The following UBE2Q2 variants were observed in gnomAD, a reference collection of about 807,000 sequenced individuals.
The protein encoded by UBE2Q2 is ubiquitin-conjugating enzyme E2 Q2.
UBE2Q2 carries 54 observed loss-of-function variants against 59.9 expected under a neutral mutation model. The observed-to-expected ratio is 0.90, with a 90% CI of 0.72 to 1.13. The LOEUF is 1.13. Ranked by LOEUF, UBE2Q2 falls within the 50% of genes most tolerant of loss-of-function variation. The pLI is 0.00. For missense variants in UBE2Q2, 433 were observed against 441.9 expected, an observed-to-expected ratio of 0.98 and a Z score of 0.18; for synonymous variants, 165 against 155.2, an observed-to-expected ratio of 1.06 and a Z score of -0.47.
chr15:75,843,861 C>T lies in UBE2Q2; in HGVS notation c.180+15C>T, dbSNP rs545680529. The T allele has an allele frequency of 1.2e-3, 1,853 of 1,539,664 alleles. 31 individuals carry two copies. In the South Asian group the frequency reaches 0.021, roughly 17 times the overall value. Reference sequence around the variant, plus strand: ...GCAACATCACGGTGAGGCGCCCGGCCGCGGCCCCGCGGGGCAGGGCGAGGA... The same window carrying T: ...GCAACATCACGGTGAGGCGCCCGGCTGCGGCCCCGCGGGGCAGGGCGAGGA... On this transcript the variant is annotated intron_variant, in intron 1 of 12. Coordinates refer to ENST00000267938, the MANE Select transcript of UBE2Q2 (RefSeq NM_173469.4).
intron 1 of UBE2Q2, among the ~76,000 whole-genome samples, chr15:75,848,999 A>G (rs1896500693): frequency 1.3e-5 from 2 of 152,136 alleles, no homozygotes; most frequent in Admixed American, 1.3e-4. Flanking sequence ...CAGTAGCTGT[A>G]ATTTGCTGCT....
intron 9 of UBE2Q2, among the ~76,000 whole-genome samples, chr15:75,887,292 T>G (rs1455571123): frequency 6.6e-6 from 1 of 152,172 alleles, no homozygotes; most frequent in Non-Finnish European, 1.5e-5. Flanking sequence ...GTGGCAATAG[T>G]GACCTGAAGA....
intron 6 of UBE2Q2, among the ~76,000 whole-genome samples, chr15:75,877,172 A>AT (rs984622951): frequency 0.016 from 2,381 of 150,860 alleles, 95 homozygotes; most frequent in African/African-American, 0.054. Context: ...AAAAAAAAAA[A>AT]AAAAAAAAAA....
chr15:75,859,792 T>C (rs1897116167), intron 2 of UBE2Q2, 86 bp from the exon 3 acceptor site: 1 of 909,792 alleles, frequency 1.1e-6, no homozygotes, highest in Non-Finnish European at 1.6e-6. Context: ...CATTTCCTAC[T>C]GGATTGATTA....
intron 9 of UBE2Q2, among the ~76,000 whole-genome samples, chr15:75,886,489 G>A (rs561580737): frequency 2.7e-4 from 41 of 152,266 alleles, no homozygotes; most frequent in Non-Finnish European, 5.1e-4. Context: ...ATAAGCATGG[G>A]AAAAGGAAGA....
At chr15:75,860,864 C>G (rs1897173233) in intron 3 of UBE2Q2, among the ~76,000 whole-genome samples, 1 of 152,172 alleles carries the variant, frequency 6.6e-6, no homozygotes, top group African/African-American at 2.4e-5. Flanking sequence ...TTGGCTGACC[C>G]TTTCTCATTT....
intron 3 of UBE2Q2, 99 bp downstream of exon 3, chr15:75,860,081 AAGTT>A (rs1897133059): frequency 2.4e-6 from 2 of 849,278 alleles, no homozygotes; most frequent in Admixed American, 3.1e-5. Context: ...ACTTATTTAG[AAGTT>A]AGTTTCATTT....
intron 11 of UBE2Q2, among the ~76,000 whole-genome samples, chr15:75,892,409 A>G (rs1899153166): frequency 6.6e-6 from 1 of 152,220 alleles, no homozygotes; most frequent in African/African-American, 2.4e-5. Flanking sequence ...CAGATACAGA[A>G]CACAGACTTC....
chr15:75,873,288 TTTTTCTCTCTCCCTATAGGATAG>T (rs2141616208), intron 4 of UBE2Q2, 117 bp from the exon 5 acceptor site: 1 of 660,602 alleles, frequency 1.5e-6, no homozygotes, highest in East Asian at 3.3e-5. Context: ...ATGTGGGGGC[TTTTTCTCTCTCCCTATAGGATAG>T]TTACATTTTG....
chr15:75,844,472 C>G (rs749528873), intron 1 of UBE2Q2: 5 of 1,551,404 alleles, frequency 3.2e-6, no homozygotes, highest in Non-Finnish European at 4.4e-6. Flanking sequence ...AGCATAGTAC[C>G]GTCGTTGCGG....
In UBE2Q2 at chr15:75,879,977, T is replaced by C. The variant is rs142886396; in HGVS notation, c.825+789T>C. On this transcript the variant is annotated intron_variant, in intron 8 of 12. Transcript: ENST00000267938. ...GGTATATCTGCGCAGGCTTCTTGGA[T>C]ACTGGCTGGAATATATTTCTGGGCC... Among the ~76,000 whole-genome samples, 427 of 152,320 alleles carry C rather than the reference T, an allele frequency of 2.8e-3. 1 individual carries two copies. The highest frequency in any genetic ancestry group is 9.4e-3 in the African/African-American group (392 of 41,566).
At position 75,876,474 on chromosome 15, in the gene UBE2Q2, A is replaced by C. The variant is rs192632057; in HGVS notation, c.673+203A>C. Among the ~76,000 whole-genome samples the C allele has an allele frequency of 8.5e-5, 13 of 152,330 alleles. No homozygotes were observed. The East Asian group carries it at 2.5e-3, about 29-fold the overall frequency. The stretch of plus-strand genomic sequence containing the variant: ...TTTACTTGTCTTTTGGATTTTTAAA[A>C]AATGTTTTTATAGGTCCATTGGAAT... On this transcript the variant is annotated intron_variant, in intron 6 of 12. Coordinates refer to ENST00000267938, the MANE Select transcript of UBE2Q2 (RefSeq NM_173469.4).
Position 75,897,576 on chromosome 15 carries a change from C to G in UBE2Q2, c.1096+515C>G, listed in dbSNP as rs1408511788. Reference sequence around the variant, plus strand: ...TATCCTATACACTTGGCCTAGGTATCTCAGAGTCAGAATCAAGATTTCTTT... The same window carrying G: ...TATCCTATACACTTGGCCTAGGTATGTCAGAGTCAGAATCAAGATTTCTTT... On this transcript the variant is annotated intron_variant, in intron 12 of 12. Coordinates refer to ENST00000267938, the MANE Select transcript of UBE2Q2 (RefSeq NM_173469.4). Among the ~76,000 whole-genome samples the G allele has an allele frequency of 1.3e-5, 2 of 151,384 alleles. 1 individual carries two copies. The highest frequency in any genetic ancestry group is 4.2e-4 in the South Asian group (2 of 4,802).
intron 9 of UBE2Q2, among the ~76,000 whole-genome samples, chr15:75,889,818 C>T (rs1359676147): frequency 2.6e-5 from 4 of 152,234 alleles, no homozygotes; most frequent in Non-Finnish European, 4.4e-5. Flanking sequence ...GGTTAAAAAT[C>T]GTTATCTAAG....
At chr15:75,892,344 T>C (rs1312468363) in intron 11 of UBE2Q2, among the ~76,000 whole-genome samples, 2 of 152,130 alleles carry the variant, frequency 1.3e-5, no homozygotes, top group Admixed American at 6.5e-5. Flanking sequence ...TTGAGAATTG[T>C]CAGAAATAAT....
At position 75,876,228 on chromosome 15, in the gene UBE2Q2, G is replaced by C. The variant is rs763575942; in HGVS notation, c.630G>C (p.Met210Ile). 2.5e-5 allele frequency: 40 copies of C among 1,613,848 alleles called. No individual in the cohort carries two copies. Among genetic ancestry groups the C allele is most frequent in the Non-Finnish European group, 3.2e-5 (38 of 1,179,920 alleles). ...SGSVQASDRL[M>I]KELRDIYRSQ... ...CAGTGCAAGCTTCAGATAGACTTAT[G>C]AAAGAGCTCAGGGACATATACAGAT... Residue 210 changes from methionine to isoleucine, a missense_variant, in exon 6 of 13, where the codon ATG becomes ATC. Physicochemically the swap from Met to Ile is conservative, Grantham distance 10. Transcript: ENST00000267938.
rs567381098 is a variant in UBE2Q2 at position 75,870,213 on chromosome 15, G to A, written c.447+1203G>A. On this transcript the variant is annotated intron_variant, in intron 4 of 12. Transcript: ENST00000267938. ...CTTCTGAGTAGCTGGGACTACAGGCGTGTGCCCCATGCCAAGCTTTTTAAA... is the reference window on the plus strand; with the variant it reads ...CTTCTGAGTAGCTGGGACTACAGGCATGTGCCCCATGCCAAGCTTTTTAAA... Among the ~76,000 whole-genome samples, 284 of 152,172 alleles carry A rather than the reference G, an allele frequency of 1.9e-3. 2 individuals carry two copies. Among genetic ancestry groups the A allele is most frequent in the Middle Eastern group, 3.4e-3 (1 of 294 alleles).
intron 1 of UBE2Q2, among the ~76,000 whole-genome samples, chr15:75,851,226 G>C (rs754165781): frequency 6.6e-6 from 1 of 151,374 alleles, no homozygotes; most frequent in African/African-American, 2.4e-5. Context: ...CAGTCTCCTG[G>C]GACTCAGGTG....
chr15:75,859,536 C>G (rs1371928811), intron 2 of UBE2Q2, among the ~76,000 whole-genome samples: 1 of 152,018 alleles, frequency 6.6e-6, no homozygotes, highest in Non-Finnish European at 1.5e-5. Flanking sequence ...TTTTGGTAGC[C>G]TCATTAATGC....
Sources: gnomAD v4.1 joint callset for allele counts (sites outside exome capture counted in the v4.1 genomes callset) on GRCh38, gnomAD v4.1.1 for gene constraint, MANE v1.5 for transcripts, NCBI Gene and HGNC (gene_info 2026-07-23, HGNC 2026-07-21) for gene names.